KDM4B: variants seen among roughly 807,000 people sequenced by gnomAD.
KDM4B encodes the protein lysine-specific demethylase 4B.
KDM4B carries 32 observed loss-of-function variants against 125.2 expected under a neutral mutation model. That is an observed-to-expected ratio of 0.26 (90% CI 0.19 to 0.34). The LOEUF (loss-of-function observed/expected upper bound fraction) is 0.34, where lower values mean the gene tolerates loss of function less well. KDM4B is among the 10% of genes least tolerant of loss of function. The probability of loss-of-function intolerance (pLI) is 1.00; values close to 1 mark genes in which losing one functional copy is unlikely to be tolerated. For missense variants in KDM4B, 1,190 were observed against 1,577.7 expected (o/e 0.75, Z 4.16); for synonymous variants, 721 against 677.9 (o/e 1.06, Z -0.99).
At chr19:5,125,228 C>T (rs1443866431) in intron 11 of KDM4B, among the ~76,000 whole-genome samples, 1 of 152,116 alleles carries the variant, frequency 6.6e-6, no homozygotes, top group Non-Finnish European at 1.5e-5. Flanking sequence ...TACTAATCTT[C>T]CCAAGCCCAC....
intron 22 of KDM4B, 31 bp downstream of exon 22, chr19:5,150,481 G>A (rs760310422): frequency 3.8e-5 from 56 of 1,477,522 alleles, no homozygotes; most frequent in Middle Eastern, 2.0e-4. Flanking sequence ...TGGTGGCTCC[G>A]GGTGACTCAG....
chr19:5,121,915 T>C (rs568117739), intron 11 of KDM4B, among the ~76,000 whole-genome samples: 1 of 152,058 alleles, frequency 6.6e-6, no homozygotes, highest in South Asian at 2.1e-4. Context: ...CAAGCAAAGA[T>C]GGCAAAAGGT....
At chr19:5,149,201 C>G (rs1261961954) in intron 21 of KDM4B, among the ~76,000 whole-genome samples, 1 of 152,368 alleles carries the variant, frequency 6.6e-6, no homozygotes, top group East Asian at 1.9e-4. Context: ...TCCCGGGCCC[C>G]CCCGCTGCAC....
intron 9 of KDM4B, among the ~76,000 whole-genome samples, chr19:5,097,809 G>A (rs557315373): frequency 2.6e-5 from 4 of 152,338 alleles, no homozygotes; most frequent in East Asian, 1.9e-4. Flanking sequence ...TTCTGTCTCC[G>A]TTTTGGCTTG....
chr19:4,986,821 A>C (rs553150617), intron 1 of KDM4B, among the ~76,000 whole-genome samples: 1 of 152,354 alleles, frequency 6.6e-6, no homozygotes, highest in East Asian at 1.9e-4. Context: ...GGCGCAGCTC[A>C]CTGAGCTGGC....
intron 7 of KDM4B, chr19:5,075,365 C>T (rs937913676): frequency 6.6e-6 from 1 of 152,328 alleles, no homozygotes; most frequent in Non-Finnish European, 1.5e-5. Flanking sequence ...CAGCTGCTGC[C>T]GGGAAGCCGG....
In KDM4B at chr19:5,119,358, G is replaced by C. The variant is rs1234222041; in HGVS notation, c.1116-295G>C. On this transcript the variant is annotated intron_variant, in intron 10 of 22. Transcript: ENST00000159111. ...CCCGTCCCGCCCGTCATCCCACCTG[G>C]TGTCAGTCGGCTTCCCATCTCCAGC... 1.0e-5 allele frequency: 7 copies of C among 672,254 alleles called. No individual in the cohort carries two copies. The South Asian group carries it at 1.1e-4, about 11-fold the overall frequency. The allele number at this position is 672,254 out of a possible 1,614,324, so 41.6% of individuals were successfully genotyped here.
In KDM4B at chr19:5,144,244, C is replaced by A; in HGVS notation, c.2737-4C>A. 6.3e-7 allele frequency: 1 copy of A among 1,596,466 alleles called. No homozygotes were observed. The highest frequency in any genetic ancestry group is 8.5e-7 in the Non-Finnish European group (1 of 1,172,384). On this transcript the variant is annotated splice_region_variant and splice_polypyrimidine_tract_variant and intron_variant, in intron 19 of 22. Coordinates refer to ENST00000159111, the MANE Select transcript of KDM4B (RefSeq NM_015015.3). ...CGCCCCCCACACCCTCCGCACCCTC[C>A]CAGGTCCAACTCCTGAGGGCCGTGT...
At chr19:5,049,518 G>A (rs2037150757) in intron 6 of KDM4B, among the ~76,000 whole-genome samples, 2 of 151,908 alleles carry the variant, frequency 1.3e-5, no homozygotes, top group Non-Finnish European at 2.9e-5. Context: ...CTGGCATGAG[G>A]GGCCTGAGAG....
At chr19:5,033,138 G>A (rs149492454) in intron 3 of KDM4B, 107 bp downstream of exon 3, 9 of 1,329,606 alleles carry the variant, frequency 6.8e-6, no homozygotes, top group African/African-American at 2.9e-5. Flanking sequence ...GCCTGTGCAC[G>A]TGGAATGTGT....
Position 5,064,574 on chromosome 19 carries a change from T to G in KDM4B, c.627-6436T>G, listed in dbSNP as rs147675102. ...CCGTGGGTTGGATTCCAAGTGCCAC[T>G]GTCACCTGGGAGAAAGCTACACGAA... On this transcript the variant is annotated intron_variant, in intron 6 of 22. Transcript: ENST00000159111. Among the ~76,000 whole-genome samples the G allele has an allele frequency of 2.7e-3, 418 of 152,246 alleles. 3 individuals carry two copies. The highest frequency in any genetic ancestry group is 0.01 in the Middle Eastern group (3 of 294).
Position 5,115,127 on chromosome 19 carries a change from A to G in KDM4B, c.1115+4309A>G, listed in dbSNP as rs1431637962. 1.3e-5 allele frequency among the ~76,000 whole-genome samples: 2 copies of G among 152,184 alleles called. No homozygotes were observed. Among genetic ancestry groups the G allele is most frequent in the Non-Finnish European group, 2.9e-5 (2 of 68,020 alleles). On this transcript the variant is annotated intron_variant, in intron 10 of 22. Coordinates refer to ENST00000159111, the MANE Select transcript of KDM4B (RefSeq NM_015015.3). The surrounding 1 kb of genome is among the most constrained non-coding windows in gnomAD (Gnocchi z 4.2). ...ACCCCATGGGCCGGCAACCAGGAGGACAGCCAGCAGGGAGCAGCTGGGCTG... is the reference window on the plus strand; with the variant it reads ...ACCCCATGGGCCGGCAACCAGGAGGGCAGCCAGCAGGGAGCAGCTGGGCTG...
At chr19:5,103,770 G>T (rs1475783465) in intron 9 of KDM4B, among the ~76,000 whole-genome samples, 1 of 152,252 alleles carries the variant, frequency 6.6e-6, no homozygotes, top group East Asian at 1.9e-4. Context: ...GTTGGAGAAG[G>T]ATGGAGGGAA....
At chr19:4,978,090 C>T (rs898548443) in intron 1 of KDM4B, among the ~76,000 whole-genome samples, 9 of 152,152 alleles carry the variant, frequency 5.9e-5, no homozygotes, top group Non-Finnish European at 1.5e-5. Context: ...AGATTGCCGT[C>T]CCTAGCATGC....
rs2038302335 is a variant in KDM4B, at chr19:5,081,776, C to T, written c.781-591C>T. ...GATGGCTTGGGATGGCGGCGTGTCG[C>T]AGGCCCCTTCCTGGCGTGTTTTGCG... On this transcript the variant is annotated intron_variant, in intron 8 of 22. Transcript: ENST00000159111. This position sits in a 1 kb window ranked among gnomAD's most constrained non-coding sequence, Gnocchi z 4.2. Among the ~76,000 whole-genome samples the T allele has an allele frequency of 6.6e-6, 1 of 152,212 alleles. No homozygotes were observed. Among genetic ancestry groups the T allele is most frequent in the Non-Finnish European group, 1.5e-5 (1 of 68,036 alleles).
intron 2 of KDM4B, among the ~76,000 whole-genome samples, chr19:5,017,152 G>A (rs1429036970): frequency 3.3e-5 from 5 of 152,184 alleles, no homozygotes; most frequent in African/African-American, 1.2e-4. Flanking sequence ...TAATGAGGGC[G>A]AGTGTGGACT....
chr19:5,085,316 C>T (rs1321260920), intron 9 of KDM4B, among the ~76,000 whole-genome samples: 1 of 152,168 alleles, frequency 6.6e-6, no homozygotes, highest in African/African-American at 2.4e-5. Flanking sequence ...TTAAGTATCT[C>T]AGGGCTGTTG....
At chr19:5,045,185 G>C in intron 5 of KDM4B, among the ~76,000 whole-genome samples, 1 of 152,204 alleles carries the variant, frequency 6.6e-6, no homozygotes, top group East Asian at 1.9e-4. Flanking sequence ...AACGTTCCCA[G>C]GGCCCCGCTT....
At chr19:5,006,563 AGGAGT>A (rs1250005906) in intron 1 of KDM4B, among the ~76,000 whole-genome samples, 2 of 152,178 alleles carry the variant, frequency 1.3e-5, no homozygotes, top group African/African-American at 2.4e-5. Context: ...CCCTGAGGTC[AGGAGT>A]TCAAGACCAG....
Sources: gnomAD v4.1 joint callset for allele counts (sites outside exome capture counted in the v4.1 genomes callset) on GRCh38, gnomAD v4.1.1 for gene constraint, Gnocchi (gnomAD v3.1) non-coding constraint, MANE v1.5 for transcripts, NCBI Gene and HGNC (gene_info 2026-07-23, HGNC 2026-07-21) for gene names.